SAMD5: variants seen among roughly 807,000 people sequenced by gnomAD.
SAMD5 encodes sterile alpha motif domain-containing protein 5.
Under a neutral mutation model 11.3 loss-of-function variants are expected in SAMD5, and 13 were observed. The observed-to-expected ratio is 1.15, with a 90% confidence interval of 0.75 to 1.83. The LOEUF is 1.83. Among genes scored for constraint, SAMD5 ranks in the 40% most tolerant of loss-of-function variants. The pLI is 0.00. For synonymous variants in SAMD5, 129 were observed against 111.3 expected, an observed-to-expected ratio of 1.16 and a Z score of -1.00; for missense variants, 255 against 239.1, an observed-to-expected ratio of 1.07 and a Z score of -0.44.
the SAMD5 span, among the ~76,000 whole-genome samples, chr6:147,845,857 GC>G: frequency 6.6e-6 from 1 of 152,116 alleles, no homozygotes; most frequent in Non-Finnish European, 1.5e-5. Context: ...ACTATACTTA[GC>G]AATTACCCTT....
the SAMD5 span, among the ~76,000 whole-genome samples, chr6:147,877,847 T>TACACACACAC: frequency 0.24 from 27,039 of 112,372 alleles, 3,966 homozygotes; most frequent in Middle Eastern, 0.41. Flanking sequence ...TTTATATAAA[T>TACACACACAC]ACACACACAC....
chr6:147,539,566 G>A (rs1274544715), intron 1 of SAMD5, among the ~76,000 whole-genome samples: 3 of 152,060 alleles, frequency 2.0e-5, no homozygotes, highest in Non-Finnish European at 4.4e-5. Flanking sequence ...AATTCCTGGG[G>A]TTTCATGAGG....
chr6:147,746,485 TC>T, the SAMD5 span, among the ~76,000 whole-genome samples: 1 of 152,242 alleles, frequency 6.6e-6, no homozygotes, highest in Admixed American at 6.5e-5. Flanking sequence ...ACTTTCCACT[TC>T]ACTTTCATGT....
chr6:147,567,547 T>C lies in SAMD5; in HGVS notation c.*3091T>C. ...TTGTCTGTAAAATGGGAAAAATAAA[T>C]ACCTCTATAGCTCTTAAGAGGCTTA... On this transcript the variant is annotated 3_prime_UTR_variant, in exon 2 of 2. Transcript: ENST00000367474. 5 of 898,774 alleles carry C rather than the reference T, an allele frequency of 5.6e-6. No individual in the cohort carries two copies. The highest frequency in any genetic ancestry group is 6.7e-6 in the Non-Finnish European group (5 of 751,114). The allele number at this position is 898,774 out of a possible 1,614,324, so 55.7% of individuals were successfully genotyped here. A position where few individuals can be genotyped will look rare whatever the true frequency, so the allele number is the denominator to read the frequency against.
chr6:147,810,434 C>G, the SAMD5 span, among the ~76,000 whole-genome samples: 12 of 152,170 alleles, frequency 7.9e-5, no homozygotes, highest in Non-Finnish European at 1.3e-4. Flanking sequence ...GTGTGTAGTG[C>G]GGGCTTGACC....
chr6:147,807,324 C>T, the SAMD5 span, among the ~76,000 whole-genome samples: 2 of 152,160 alleles, frequency 1.3e-5, no homozygotes, highest in African/African-American at 4.8e-5. Context: ...AGGATGGTCT[C>T]GATCTCCTGA....
the SAMD5 span, among the ~76,000 whole-genome samples, chr6:147,766,855 A>C: frequency 2.6e-5 from 4 of 152,234 alleles, no homozygotes; most frequent in Non-Finnish European, 5.9e-5. Flanking sequence ...AGTTGCTAGA[A>C]TAGTTATTAT....
At chr6:147,658,627 A>G (rs4896934) in intron 1 of SAMD5, among the ~76,000 whole-genome samples, 13,474 of 151,700 alleles carry the variant, frequency 0.089, 872 homozygotes, top group East Asian at 0.26. Flanking sequence ...GGCATTAAAG[A>G]CATTATGGGT....
At chr6:147,689,675 G>A (rs1180850330) in intron 1 of SAMD5, among the ~76,000 whole-genome samples, 1 of 152,176 alleles carries the variant, frequency 6.6e-6, no homozygotes, top group Non-Finnish European at 1.5e-5. Flanking sequence ...AAAGAGAGAA[G>A]CTATGTTGGT....
the SAMD5 span, among the ~76,000 whole-genome samples, chr6:147,822,473 A>G: frequency 3.3e-5 from 5 of 152,198 alleles, no homozygotes; most frequent in African/African-American, 1.2e-4. Context: ...TTACTTCTAT[A>G]CCTGCTATAA....
chr6:147,514,812 T>A (rs1788139891), intron 1 of SAMD5, among the ~76,000 whole-genome samples: 1 of 152,186 alleles, frequency 6.6e-6, no homozygotes, highest in African/African-American at 2.4e-5. Context: ...TCTTCATTCA[T>A]ACCCTTCGTG....
the SAMD5 span, among the ~76,000 whole-genome samples, chr6:147,802,932 G>A: frequency 8.2e-3 from 1,255 of 152,290 alleles, 24 homozygotes; most frequent in African/African-American, 0.028. Flanking sequence ...GAATTTTCTG[G>A]GGGTGTTTAT....
chr6:147,800,958 C>A, the SAMD5 span, among the ~76,000 whole-genome samples: 2 of 151,774 alleles, frequency 1.3e-5, no homozygotes, highest in Non-Finnish European at 2.9e-5. Flanking sequence ...AATACATATA[C>A]CTATAACCTA....
At chr6:147,930,913 T>C in the SAMD5 span, among the ~76,000 whole-genome samples, 1 of 152,188 alleles carries the variant, frequency 6.6e-6, no homozygotes, top group African/African-American at 2.4e-5. Flanking sequence ...TGAGGGCAGG[T>C]CTTCCTCTCT....
intron 1 of SAMD5, among the ~76,000 whole-genome samples, chr6:147,720,540 A>T (rs1791536038): frequency 1.3e-5 from 2 of 152,062 alleles, no homozygotes; most frequent in African/African-American, 4.8e-5. Flanking sequence ...TGTAGAAACG[A>T]TACCAAAGGA....
intron 1 of SAMD5, among the ~76,000 whole-genome samples, chr6:147,546,935 C>T (rs1788696560): frequency 6.6e-6 from 1 of 152,078 alleles, no homozygotes; most frequent in African/African-American, 2.4e-5. Context: ...GTTACTCTGC[C>T]TCTTTCTTTC....
intron 1 of SAMD5, among the ~76,000 whole-genome samples, chr6:147,709,797 C>T (rs1408605724): frequency 6.6e-6 from 1 of 152,150 alleles, no homozygotes; most frequent in African/African-American, 2.4e-5. Context: ...AAAATTCTAA[C>T]TACTCCCCTT....
chr6:147,687,239 C>T (rs1791028981), intron 1 of SAMD5, among the ~76,000 whole-genome samples: 1 of 149,374 alleles, frequency 6.7e-6, no homozygotes. Context: ...ATCCTCCCTC[C>T]CTCTCTCCCT....
At chr6:147,512,816 A>G (rs1788109721) in intron 1 of SAMD5, among the ~76,000 whole-genome samples, 1 of 152,066 alleles carries the variant, frequency 6.6e-6, no homozygotes, top group Non-Finnish European at 1.5e-5. Flanking sequence ...GGAACTTAGC[A>G]TCTAGTAGGG....
Sources: allele counts gnomAD v4.1 joint callset (sites outside exome capture counted in the v4.1 genomes callset), GRCh38; gene constraint gnomAD v4.1.1; transcripts MANE v1.5; gene names NCBI Gene and HGNC (gene_info 2026-07-23, HGNC 2026-07-21).